The following CDH26 variants were observed in gnomAD, a reference collection of about 807,000 sequenced individuals.
CDH26 encodes the protein cadherin 26, also known as cadherin-like protein 26.
CDH26 carries 83 observed loss-of-function variants against 90.3 expected under a neutral mutation model. That is an observed-to-expected ratio of 0.92 (90% CI 0.77 to 1.10). The LOEUF (loss-of-function observed/expected upper bound fraction) is 1.10. Ranked by LOEUF, CDH26 falls within the 50% of genes least tolerant of loss-of-function variation. The pLI is 0.00. For synonymous variants in CDH26, 397 were observed against 396.3 expected, an observed-to-expected ratio of 1.00 and a Z score of -0.02; for missense variants, 1,013 against 1,037.6, an observed-to-expected ratio of 0.98 and a Z score of 0.33.
In CDH26 at chr20:59,985,095, G is replaced by A. The variant is rs764520246; in HGVS notation, c.803G>A (p.Gly268Asp). 1.2e-6 allele frequency: 2 copies of A among 1,613,856 alleles called. No individual in the cohort carries two copies. The highest frequency in any genetic ancestry group is 3.3e-5 in the Admixed American group (2 of 60,026). The change falls in exon 7 of 18, where the codon GGC (glycine) becomes GAC (aspartate). Residue 268 changes from glycine (G) to aspartate (D), a missense_variant. Transcript: ENST00000348616. ...ACCGTTCACGTGGATGTGCAAGAAG[G>A]CAACAACCACAGGCCTGCATTTACC... Reference protein sequence around the residue: ...TTTVHVDVQEGNNHRPAFTQE... With the variant: ...TTTVHVDVQEDNNHRPAFTQE...
chr20:60,025,702 A>T (rs1395743443), intron 7 of CDH26, among the ~76,000 whole-genome samples: 1 of 152,186 alleles, frequency 6.6e-6, no homozygotes, highest in East Asian at 1.9e-4. Flanking sequence ...AAATGTTTTT[A>T]AAAACTTCCT....
chr20:60,004,504 C>T (rs1472404574), intron 16 of CDH26, among the ~76,000 whole-genome samples: 1 of 152,054 alleles, frequency 6.6e-6, no homozygotes, highest in Non-Finnish European at 1.5e-5. Context: ...CCGTGGCTCA[C>T]GTCTGTAATC....
chr20:60,033,404 A>G, intron 8 of CDH26: 2 of 1,251,890 alleles, frequency 1.6e-6, no homozygotes, highest in Non-Finnish European at 1.0e-6. Context: ...TACTTATCAA[A>G]TGCTTAGTGA....
intron 7 of CDH26, 24 bp downstream of exon 7, chr20:59,985,153 C>T (rs112928115): frequency 3.2e-5 from 51 of 1,611,590 alleles, no homozygotes; most frequent in Admixed American, 1.5e-4. Context: ...GCCGCCCCAA[C>T]GTCTAAGCCC....
chr20:60,006,987 G>A (rs2061762758), intron 17 of CDH26, among the ~76,000 whole-genome samples, 200 bp downstream of exon 17: 1 of 152,188 alleles, frequency 6.6e-6, no homozygotes, highest in Non-Finnish European at 1.5e-5. Flanking sequence ...GAAGTCCAAG[G>A]TCAGGGTTCC....
At chr20:59,994,741 A>G (rs968915329) in intron 11 of CDH26, among the ~76,000 whole-genome samples, 18 of 152,084 alleles carry the variant, frequency 1.2e-4, no homozygotes, top group African/African-American at 4.3e-4. Flanking sequence ...TCCCTGAGAC[A>G]TATTCTTGCA....
chr20:60,006,017 G>C (rs906951594), intron 16 of CDH26, among the ~76,000 whole-genome samples: 6 of 152,126 alleles, frequency 3.9e-5, no homozygotes, highest in African/African-American at 1.4e-4. Flanking sequence ...TCCTCCTCCT[G>C]AGAACTCCCT....
Position 59,987,488 on chromosome 20 carries a change from G to A in CDH26, c.873G>A (p.Gln291=). ...KVQIPEGRAS[Q]GVLRLLVQDR... is the part of the protein sequence containing the mutation. ...AGATTCCTGAAGGCCGAGCCAGCCAGGGCGTGTTGCGTCTCCTGGTTCAAG... is the reference window on the plus strand; with the variant it reads ...AGATTCCTGAAGGCCGAGCCAGCCAAGGCGTGTTGCGTCTCCTGGTTCAAG... The change falls in exon 8 of 18, where the codon CAG becomes CAA. Residue 291 remains glutamine, a synonymous_variant. Coordinates refer to ENST00000348616, the MANE Select transcript of CDH26 (RefSeq NM_177980.4). The A allele has an allele frequency of 6.2e-7, 1 of 1,613,350 alleles. No individual in the cohort carries two copies.
chr20:59,982,015 G>C (rs1200839012), intron 4 of CDH26, among the ~76,000 whole-genome samples: 1 of 151,962 alleles, frequency 6.6e-6, no homozygotes, highest in Non-Finnish European at 1.5e-5. Flanking sequence ...TTAAGAATTT[G>C]GTCCATTTCA....
At position 60,001,382 on chromosome 20, in the gene CDH26, G is replaced by A; in HGVS notation, c.2137G>A (p.Ala713Thr). The A allele has an allele frequency of 2.5e-6, 4 of 1,614,040 alleles. No individual in the cohort carries two copies. The highest frequency in any genetic ancestry group is 3.4e-6 in the Non-Finnish European group (4 of 1,180,026). Reference sequence around the variant, plus strand: ...GCCTCCATCTGCAGCGAGTCAGTCAGCCCAAGCACGCTGTGCTCTGGGGAG... The same window carrying A: ...GCCTCCATCTGCAGCGAGTCAGTCAACCCAAGCACGCTGTGCTCTGGGGAG... The part of the protein sequence containing the change: ...EVPPSAASQS[A>T]QARCALGSWG... Residue 713 changes from alanine to threonine, a missense_variant, in exon 15 of 18, where the codon GCC becomes ACC. Physicochemically the swap from Ala to Thr is moderately conservative, Grantham distance 58 (BLOSUM62 0). Transcript: ENST00000348616.
intron 13 of CDH26, among the ~76,000 whole-genome samples, chr20:59,999,140 C>A (rs2061641920): frequency 2.0e-5 from 3 of 152,094 alleles, no homozygotes; most frequent in African/African-American, 7.2e-5. Context: ...GCTAATGAGC[C>A]CTTGGCCAAC....
In CDH26 at chr20:59,994,239, C is replaced by A. The variant is rs376562799; in HGVS notation, c.1427-11C>A. On this transcript the variant is annotated splice_polypyrimidine_tract_variant and intron_variant, in intron 10 of 17. Coordinates refer to ENST00000348616, the MANE Select transcript of CDH26 (RefSeq NM_177980.4). ...AGATAAACAACTCCTGAAACTTCCT[C>A]CCCATACAAGGCTTCCCACCGCAGA... is the stretch of plus-strand genomic sequence containing the variant. 1 of 1,613,606 alleles carries A rather than the reference C, an allele frequency of 6.2e-7. No individual in the cohort carries two copies. The highest frequency in any genetic ancestry group is 8.5e-7 in the Non-Finnish European group (1 of 1,179,860).
chr20:59,991,693 CT>C (rs2061529648), intron 9 of CDH26, among the ~76,000 whole-genome samples: 2 of 152,192 alleles, frequency 1.3e-5, no homozygotes, highest in Non-Finnish European at 2.9e-5. Flanking sequence ...GAAACTGCCC[CT>C]CTCCGCACCT....
At chr20:59,961,634 G>A (rs1240537240) in intron 1 of CDH26, among the ~76,000 whole-genome samples, 2 of 152,190 alleles carry the variant, frequency 1.3e-5, no homozygotes, top group Middle Eastern at 3.4e-3. Context: ...CATTTCTGCT[G>A]GAGAGCTATT....
intron 16 of CDH26, among the ~76,000 whole-genome samples, chr20:60,004,564 A>C (rs1314212614): frequency 2.0e-5 from 3 of 152,092 alleles, no homozygotes; most frequent in Non-Finnish European, 4.4e-5. Context: ...CAGGAGATAG[A>C]GACCATCCTG....
At position 60,012,889 on chromosome 20, in the gene CDH26, T is replaced by G. The variant is rs1296460679; in HGVS notation, c.*159T>G. On this transcript the variant is annotated 3_prime_UTR_variant, in exon 18 of 18. Coordinates refer to ENST00000348616, the MANE Select transcript of CDH26 (RefSeq NM_177980.4). ...TTAGTTTGAATTAAATGCTTTGATA[T>G]TCTCAGATCAGCCATCTTGAACCAA... 12 of 628,256 alleles carry G rather than the reference T, an allele frequency of 1.9e-5. No individual in the cohort carries two copies. The highest frequency in any genetic ancestry group is 2.7e-5 in the Non-Finnish European group (10 of 376,634). The allele number at this position is 628,256 out of a possible 1,614,324, so 38.9% of individuals were successfully genotyped here.
At chr20:59,991,785 C>A (rs932906673) in intron 9 of CDH26, among the ~76,000 whole-genome samples, 9 of 152,170 alleles carry the variant, frequency 5.9e-5, no homozygotes, top group Admixed American at 5.2e-4. Flanking sequence ...CAACAGGTAG[C>A]TGGGGTGGCA....
Position 60,013,864 on chromosome 20 carries a change from T to A in CDH26, c.*1134T>A, listed in dbSNP as rs1237256087. The stretch of plus-strand genomic sequence containing the variant: ...CTACCTGGTTACCTCAGTCTTCCTC[T>A]GCTTTGGGAAGCTGAAAAAGAAGAA... On this transcript the variant is annotated 3_prime_UTR_variant, in exon 18 of 18. Coordinates refer to ENST00000348616, the MANE Select transcript of CDH26 (RefSeq NM_177980.4). The A allele has an allele frequency of 4.3e-4, 65 of 152,330 alleles. No individual in the cohort carries two copies. Among genetic ancestry groups the A allele is most frequent in the Admixed American group, 4.2e-3 (65 of 15,306 alleles). The allele number at this position is 152,330 out of a possible 1,614,324, so 9.4% of individuals were successfully genotyped here.
intron 7 of CDH26, among the ~76,000 whole-genome samples, chr20:60,029,284 A>G (rs759280489): frequency 1.3e-5 from 2 of 152,192 alleles, no homozygotes; most frequent in Non-Finnish European, 2.9e-5. Context: ...TCAACAACGT[A>G]GCACCTATAG....
Sources: gnomAD v4.1 joint callset for allele counts (sites outside exome capture counted in the v4.1 genomes callset) on GRCh38, gnomAD v4.1.1 for gene constraint, MANE v1.5 for transcripts, NCBI Gene and HGNC (gene_info 2026-07-23, HGNC 2026-07-21) for gene names.